APOBEC2: variants seen among roughly 807,000 people sequenced by gnomAD.
The protein encoded by APOBEC2 is apolipoprotein B mRNA editing enzyme catalytic subunit 2, also known as C->U-editing enzyme APOBEC-2.
APOBEC2 carries 14 observed loss-of-function variants against 19.4 expected under a neutral mutation model. The ratio of observed to expected loss-of-function variants is 0.72; its 90% confidence interval spans 0.48 to 1.13. The LOEUF is 1.13. Ranked by LOEUF, APOBEC2 falls within the 50% of genes most tolerant of loss-of-function variation. The probability of loss-of-function intolerance (pLI) is 0.00; values close to 1 mark genes in which losing one functional copy is unlikely to be tolerated. For missense variants in APOBEC2, 304 were observed against 277.0 expected, an observed-to-expected ratio of 1.10 and a Z score of -0.69; for synonymous variants, 127 against 112.1, an observed-to-expected ratio of 1.13 and a Z score of -0.84.
chr6:41,057,544 T>C (rs1744572028), intron 1 of APOBEC2, among the ~76,000 whole-genome samples: 3 of 152,170 alleles, frequency 2.0e-5, no homozygotes, highest in Admixed American at 1.3e-4. Flanking sequence ...CTCTTTCTGA[T>C]TATGCCCACT....
chr6:41,054,027 G>T (rs897623179), intron 1 of APOBEC2, among the ~76,000 whole-genome samples: 1 of 152,126 alleles, frequency 6.6e-6, no homozygotes, highest in African/African-American at 2.4e-5. Context: ...TAAATCTTTT[G>T]AGTCTCCTCA....
At position 41,061,755 on chromosome 6, in the gene APOBEC2, G is replaced by A. The variant is rs1349608858; in HGVS notation, c.559G>A (p.Val187Ile). The change falls in exon 2 of 3, where the codon GTC (valine) becomes ATC (isoleucine). Residue 187 changes from valine (V) to isoleucine (I), a missense_variant. Coordinates refer to ENST00000244669, the MANE Select transcript of APOBEC2 (RefSeq NM_006789.4). ...CATGAAGCCCCAGGACTTCGAATAT[G>A]TCTGGCAGAATTTTGTGGAGCAAGA... ...RIMKPQDFEY[V>I]WQNFVEQEEG... is the part of the protein sequence containing the mutation. 1.9e-6 allele frequency: 3 copies of A among 1,614,208 alleles called. No individual in the cohort carries two copies. The highest frequency in any genetic ancestry group is 2.5e-6 in the Non-Finnish European group (3 of 1,180,046).
At chr6:41,059,938 TA>T in intron 1 of APOBEC2, among the ~76,000 whole-genome samples, 1 of 152,334 alleles carries the variant, frequency 6.6e-6, no homozygotes, top group Admixed American at 6.5e-5. Context: ...ATTACATTTT[TA>T]AAAAGGAAAA....
intron 2 of APOBEC2, among the ~76,000 whole-genome samples, chr6:41,063,175 T>C (rs1026408376): frequency 5.3e-5 from 8 of 152,184 alleles, no homozygotes; most frequent in Non-Finnish European, 7.3e-5. Context: ...AGCTGAGCAT[T>C]TGCCAACCCA....
chr6:41,053,422 C>T lies in APOBEC2; in HGVS notation c.75C>T (p.Asp25=), dbSNP rs148737134. Residue 25 remains aspartate, a synonymous_variant, in exon 1 of 3, where the codon GAC becomes GAT. Coordinates refer to ENST00000244669, the MANE Select transcript of APOBEC2 (RefSeq NM_006789.4). Reference sequence around the variant, plus strand: ...ATGGGGAGGATCTGGAGAACCTGGACGACCCTGAGAAGCTGAAAGAGCTGA... The same window carrying T: ...ATGGGGAGGATCTGGAGAACCTGGATGACCCTGAGAAGCTGAAAGAGCTGA... ...SQNGEDLENL[D]DPEKLKELIE... The T allele has an allele frequency of 4.8e-5, 78 of 1,614,046 alleles. No individual in the cohort carries two copies. Among genetic ancestry groups the T allele is most frequent in the Non-Finnish European group, 6.4e-5 (76 of 1,180,044 alleles).
At chr6:41,058,110 G>A (rs1762818181) in intron 1 of APOBEC2, among the ~76,000 whole-genome samples, 1 of 149,824 alleles carries the variant, frequency 6.7e-6, no homozygotes, top group Non-Finnish European at 1.5e-5. Context: ...TCTACTACCA[G>A]CATCTCTCTC....
At chr6:41,063,283 C>T (rs1762902714) in intron 2 of APOBEC2, among the ~76,000 whole-genome samples, 2 of 152,184 alleles carry the variant, frequency 1.3e-5, no homozygotes, top group South Asian at 4.1e-4. Context: ...ACTCTGCTCA[C>T]ATAAAATAAG....
At position 41,061,265 on chromosome 6, in the gene APOBEC2, A is replaced by C. The variant is rs1298869142; in HGVS notation, c.132-63A>C. The C allele has an allele frequency of 4.8e-6, 7 of 1,450,168 alleles. No individual in the cohort carries two copies. In the African/African-American group the frequency reaches 1.0e-4, roughly 21 times the overall value. The allele number at this position is 1,450,168 out of a possible 1,614,324, so 89.8% of individuals were successfully genotyped here. A position where few individuals can be genotyped will look rare whatever the true frequency, so the allele number is the denominator to read the frequency against. On this transcript the variant is annotated intron_variant, in intron 1 of 2. Coordinates refer to ENST00000244669, the MANE Select transcript of APOBEC2 (RefSeq NM_006789.4). Reference sequence around the variant, plus strand: ...CTGACCTGGAAGAGCTACCTACTCTAGGCTGGTTCTAGAAACAAGAACTTA... The same window carrying C: ...CTGACCTGGAAGAGCTACCTACTCTCGGCTGGTTCTAGAAACAAGAACTTA...
rs567113416 is a variant in APOBEC2 at position 41,059,441 on chromosome 6, G to A, written c.132-1887G>A. 5.9e-4 allele frequency among the ~76,000 whole-genome samples: 90 copies of A among 152,222 alleles called. 1 individual carries two copies. Among genetic ancestry groups the A allele is most frequent in the Non-Finnish European group, 1.1e-3 (77 of 68,038 alleles). ...TGGCAACTGGTAAAGTTGAGGAGTG[G>A]TCTGGTGGGGTGAGTACCTTTGGGG... is the stretch of plus-strand genomic sequence containing the variant. On this transcript the variant is annotated intron_variant, in intron 1 of 2. Coordinates refer to ENST00000244669, the MANE Select transcript of APOBEC2 (RefSeq NM_006789.4).
rs1320499382 is a variant in APOBEC2, at chr6:41,064,450, T to C, written c.*371T>C. On this transcript the variant is annotated 3_prime_UTR_variant, in exon 3 of 3. Transcript: ENST00000244669. ...TTAGATTTCTGAAATATGCATTTTA[T>C]GTTAAGTTGGGTATTTTTTTAAAAA... 6.6e-6 allele frequency: 1 copy of C among 152,206 alleles called. No individual in the cohort carries two copies. Among genetic ancestry groups the C allele is most frequent in the East Asian group, 1.9e-4 (1 of 5,206 alleles). 9.4% of individuals were successfully genotyped at this position (152,206 alleles called of 1,614,324 possible).
chr6:41,063,959 A>G (rs1470303810), intron 2 of APOBEC2, 142 bp from the exon 3 acceptor site: 1 of 152,458 alleles, frequency 6.6e-6, no homozygotes, highest in African/African-American at 2.4e-5. Context: ...AATTTACCCA[A>G]TCCTGCAAAG....
chr6:41,054,810 C>T (rs1283405630), intron 1 of APOBEC2, among the ~76,000 whole-genome samples: 9 of 152,170 alleles, frequency 5.9e-5, no homozygotes, highest in Non-Finnish European at 1.3e-4. Flanking sequence ...TTTTCTAACA[C>T]CTAAGCATGC....
At chr6:41,062,288 T>C (rs916892247) in intron 2 of APOBEC2, among the ~76,000 whole-genome samples, 4 of 152,252 alleles carry the variant, frequency 2.6e-5, no homozygotes, top group Non-Finnish European at 4.4e-5. Flanking sequence ...TCCAGACATC[T>C]TCTAGATGCC....
At chr6:41,062,307 A>G (rs1214316662) in intron 2 of APOBEC2, among the ~76,000 whole-genome samples, 1 of 152,220 alleles carries the variant, frequency 6.6e-6, no homozygotes, top group Non-Finnish European at 1.5e-5. Flanking sequence ...CCTCACTCCC[A>G]TATCCACTGG....
rs756861846 is a variant in APOBEC2 at position 41,061,585 on chromosome 6, C to T, written c.389C>T (p.Ala130Val). 4 of 1,614,238 alleles carry T rather than the reference C, an allele frequency of 2.5e-6. No individual in the cohort carries two copies. The highest frequency in any genetic ancestry group is 1.1e-5 in the South Asian group (1 of 91,088). ...TATGTGTCCTCCAGCCCCTGTGCAG[C>T]GTGTGCTGACCGCATTATCAAAACC... The part of the protein sequence containing the change: ...TWYVSSSPCA[A>V]CADRIIKTLS... Residue 130 changes from alanine to valine, a missense_variant, in exon 2 of 3, where the codon GCG becomes GTG. Transcript: ENST00000244669.
At chr6:41,058,636 A>G (rs1484488345) in intron 1 of APOBEC2, among the ~76,000 whole-genome samples, 2 of 152,180 alleles carry the variant, frequency 1.3e-5, no homozygotes, top group Non-Finnish European at 2.9e-5. Flanking sequence ...AAAATTGCCC[A>G]AGATGGCCAT....
chr6:41,059,206 G>T (rs955733685), intron 1 of APOBEC2, among the ~76,000 whole-genome samples: 9 of 152,194 alleles, frequency 5.9e-5, no homozygotes, highest in Admixed American at 6.5e-5. Flanking sequence ...GGAAAAGAGG[G>T]ACCACACAGC....
At chr6:41,059,586 GC>G (rs1176520977) in intron 1 of APOBEC2, among the ~76,000 whole-genome samples, 4 of 152,194 alleles carry the variant, frequency 2.6e-5, no homozygotes, top group African/African-American at 9.7e-5. Context: ...GGACACAGGG[GC>G]TTAGAGAGCT....
chr6:41,053,433 A>G lies in APOBEC2; in HGVS notation c.86A>G (p.Lys29Arg). Reference protein sequence around the residue: ...EDLENLDDPEKLKELIELPPF... With the variant: ...EDLENLDDPERLKELIELPPF... ...CTGGAGAACCTGGACGACCCTGAGA[A>G]GCTGAAAGAGCTGATTGAGCTGCCG... The change falls in exon 1 of 3, where the codon AAG becomes AGG. Residue 29 changes from lysine (K) to arginine (R), a missense_variant. Lys to Arg is a conservative substitution (Grantham distance 26, BLOSUM62 2). Coordinates refer to ENST00000244669, the MANE Select transcript of APOBEC2 (RefSeq NM_006789.4). 6.2e-7 allele frequency: 1 copy of G among 1,614,214 alleles called. No individual in the cohort carries two copies. Among genetic ancestry groups the G allele is most frequent in the Non-Finnish European group, 8.5e-7 (1 of 1,180,030 alleles).
Sources: gnomAD v4.1 joint callset for allele counts (sites outside exome capture counted in the v4.1 genomes callset) on GRCh38, gnomAD v4.1.1 for gene constraint, MANE v1.5 for transcripts, NCBI Gene and HGNC (gene_info 2026-07-23, HGNC 2026-07-21) for gene names.